The following NGF variants were observed in gnomAD, a reference collection of about 807,000 sequenced individuals.
The protein encoded by NGF is beta-nerve growth factor.
Under a neutral mutation model 12.8 loss-of-function variants are expected in NGF, and 4 were observed. The ratio of observed to expected loss-of-function variants is 0.31; its 90% CI spans 0.15 to 0.72. The LOEUF (loss-of-function observed/expected upper bound fraction) is 0.72, where lower values mean the gene tolerates loss of function less well. Among genes scored for constraint, NGF ranks in the 30% least tolerant of loss-of-function variants. The pLI, the probability that NGF is intolerant of heterozygous loss-of-function variation, is 0.69. For synonymous variants in NGF, 140 were observed against 130.0 expected, an observed-to-expected ratio of 1.08 and a Z score of -0.52; for missense variants, 283 against 330.8, an observed-to-expected ratio of 0.86 and a Z score of 1.12.
chr1:115,316,316 G>A (rs1227127382), intron 1 of NGF, among the ~76,000 whole-genome samples: 1 of 152,186 alleles, frequency 6.6e-6, no homozygotes, highest in African/African-American at 2.4e-5. Flanking sequence ...AAGAGCCAAT[G>A]TGGGCTGGAG....
At chr1:115,318,979 C>A (rs1571090853) in intron 1 of NGF, among the ~76,000 whole-genome samples, 1 of 152,212 alleles carries the variant, frequency 6.6e-6, no homozygotes, top group Non-Finnish European at 1.5e-5. Flanking sequence ...TGAATGGCTT[C>A]ATGGGACTCC....
At chr1:115,297,679 C>G (rs1653913175) in intron 1 of NGF, among the ~76,000 whole-genome samples, 1 of 152,182 alleles carries the variant, frequency 6.6e-6, no homozygotes, top group African/African-American at 2.4e-5. Context: ...ATAACTCTGT[C>G]AATCACCATC....
At chr1:115,317,366 A>G (rs1182381062) in intron 1 of NGF, among the ~76,000 whole-genome samples, 1 of 152,210 alleles carries the variant, frequency 6.6e-6, no homozygotes, top group African/African-American at 2.4e-5. Flanking sequence ...CTAGCTTGAC[A>G]ATAGAAGAGA....
At chr1:115,336,022 T>C (rs970172209) in intron 1 of NGF, among the ~76,000 whole-genome samples, 14 of 152,184 alleles carry the variant, frequency 9.2e-5, no homozygotes, top group African/African-American at 3.4e-4. Flanking sequence ...CCCCTTCTTG[T>C]CCAAGGCACA....
intron 1 of NGF, among the ~76,000 whole-genome samples, chr1:115,325,357 A>G (rs1317549413): frequency 1.3e-5 from 2 of 152,100 alleles, no homozygotes; most frequent in African/African-American, 4.8e-5. Flanking sequence ...TTTGGGTCAG[A>G]TGATTTTTTT....
At chr1:115,294,471 T>C (rs1653803065) in intron 1 of NGF, among the ~76,000 whole-genome samples, 1 of 152,280 alleles carries the variant, frequency 6.6e-6, no homozygotes, top group African/African-American at 2.4e-5. Flanking sequence ...GCACCGACTA[T>C]GTGCCAGGCA....
chr1:115,293,267 A>C (rs1312480197), intron 2 of NGF, among the ~76,000 whole-genome samples: 1 of 152,090 alleles, frequency 6.6e-6, no homozygotes, highest in Non-Finnish European at 1.5e-5. Flanking sequence ...GGGCACAAAG[A>C]GTGGCTGTGA....
intron 1 of NGF, among the ~76,000 whole-genome samples, chr1:115,327,698 A>G (rs1019164159): frequency 1.3e-5 from 2 of 152,238 alleles, no homozygotes; most frequent in Non-Finnish European, 2.9e-5. Context: ...AAAGTAAGTC[A>G]GCCTTTGCTT....
chr1:115,303,600 C>G (rs12058927), intron 1 of NGF, among the ~76,000 whole-genome samples: 2 of 151,988 alleles, frequency 1.3e-5, no homozygotes, highest in Middle Eastern at 6.8e-3. Flanking sequence ...CAACATCCTA[C>G]CACCACCACC....
At chr1:115,301,363 G>A (rs529787649) in intron 1 of NGF, among the ~76,000 whole-genome samples, 10 of 152,026 alleles carry the variant, frequency 6.6e-5, no homozygotes, top group East Asian at 3.9e-4. Context: ...AAATCAAAAC[G>A]TTATACCCTC....
chr1:115,291,748 G>T (rs1232967759), intron 2 of NGF, among the ~76,000 whole-genome samples: 1 of 152,196 alleles, frequency 6.6e-6, no homozygotes, highest in African/African-American at 2.4e-5. Context: ...AAAGATTCTG[G>T]CCTCACCTGA....
At chr1:115,295,647 T>C (rs1261201270) in intron 1 of NGF, among the ~76,000 whole-genome samples, 1 of 152,188 alleles carries the variant, frequency 6.6e-6, no homozygotes, top group Non-Finnish European at 1.5e-5. Flanking sequence ...TTCTCCTGTA[T>C]AGAAGGAGAT....
intron 1 of NGF, among the ~76,000 whole-genome samples, chr1:115,337,834 C>T (rs1418109760): frequency 1.3e-5 from 2 of 152,150 alleles, no homozygotes; most frequent in African/African-American, 4.8e-5. Flanking sequence ...GCATCCCTCT[C>T]CGCGCCCATT....
chr1:115,288,665 T>C (rs1653592898), intron 2 of NGF, among the ~76,000 whole-genome samples: 1 of 152,154 alleles, frequency 6.6e-6, no homozygotes, highest in Admixed American at 6.5e-5. Context: ...TCTCCTAGGG[T>C]TGTGGATAAT....
intron 1 of NGF, among the ~76,000 whole-genome samples, chr1:115,333,760 CCT>C (rs61701292): frequency 0.016 from 2,057 of 131,638 alleles, 76 homozygotes; most frequent in Non-Finnish European, 0.022. Flanking sequence ...CTCCCTCCCC[CCT>C]CTCTCTCTTT....
chr1:115,335,915 T>A, intron 1 of NGF, among the ~76,000 whole-genome samples: 1 of 152,196 alleles, frequency 6.6e-6, no homozygotes, highest in East Asian at 1.9e-4. Context: ...GTGATTTTTT[T>A]CATCAGTTTA....
intron 1 of NGF, among the ~76,000 whole-genome samples, chr1:115,335,128 A>G (rs963175273): frequency 4.6e-5 from 7 of 152,226 alleles, no homozygotes; most frequent in Non-Finnish European, 7.3e-5. Context: ...TCTCCATTGC[A>G]TGTTTTCATT....
intron 1 of NGF, among the ~76,000 whole-genome samples, chr1:115,313,989 A>C (rs954483192): frequency 1.3e-5 from 2 of 152,284 alleles, no homozygotes; most frequent in Admixed American, 6.5e-5. Context: ...AGACCACATT[A>C]TAGCACAGCC....
chr1:115,326,587 C>T (rs1389417956), intron 1 of NGF, among the ~76,000 whole-genome samples: 1 of 152,180 alleles, frequency 6.6e-6, no homozygotes, highest in Non-Finnish European at 1.5e-5. Flanking sequence ...TGGCCTCTGC[C>T]TCACAAGGTT....
Sources: allele counts gnomAD v4.1 joint callset (sites outside exome capture counted in the v4.1 genomes callset), GRCh38; gene constraint gnomAD v4.1.1; transcripts MANE v1.5; gene names NCBI Gene and HGNC (gene_info 2026-07-23, HGNC 2026-07-21).